The following UTY variants were observed in gnomAD, a reference collection of about 807,000 sequenced individuals.
The protein encoded by UTY is histone demethylase UTY.
In UTY, 12 loss-of-function variants were observed where a neutral mutation model predicts 32.5. The ratio of observed to expected loss-of-function variants is 0.37; its 90% CI spans 0.24 to 0.60. UTY has a LOEUF of 0.60. UTY is among the 20% of genes least tolerant of loss of function. The pLI is 0.69. For synonymous variants in UTY, 131 were observed against 103.4 expected, an observed-to-expected ratio of 1.27 and a Z score of -1.62; for missense variants, 303 against 299.2, an observed-to-expected ratio of 1.01 and a Z score of -0.09.
intron 17 of UTY, among the ~76,000 whole-genome samples, chrY:13,350,852 CCT>C (rs771483403): frequency 1.8e-4 from 6 of 33,112 alleles, no homozygotes; most frequent in South Asian, 6.8e-4. Flanking sequence ...CATACAGCCC[CCT>C]GTCATGTACC....
chrY:13,392,423 C>T (rs2067671487), intron 8 of UTY, among the ~76,000 whole-genome samples: 1 of 33,212 alleles, frequency 3.0e-5, no homozygotes, highest in East Asian at 7.9e-4. Flanking sequence ...CAAGGTACGA[C>T]TGCAAAAATT....
chrY:13,264,021 G>A (rs2055531709), intron 27 of UTY, among the ~76,000 whole-genome samples: 2 of 33,987 alleles, frequency 5.9e-5, no homozygotes. Context: ...GTGAGAACAC[G>A]CAGTGTTTGG....
chrY:13,386,290 C>T, intron 8 of UTY, among the ~76,000 whole-genome samples: 1 of 26,084 alleles, frequency 3.8e-5, no homozygotes, highest in Admixed American at 3.5e-4. Context: ...TTAGTAGAGA[C>T]GGGGTTTCAC....
intron 6 of UTY, among the ~76,000 whole-genome samples, chrY:13,398,245 C>T (rs2068487964): frequency 3.0e-5 from 1 of 33,315 alleles, no homozygotes; most frequent in African/African-American, 1.2e-4. Context: ...CATGATACTA[C>T]AATCAAAGAA....
At position 13,379,771 on chromosome Y, in the gene UTY, G is replaced by C. The variant is rs555107132; in HGVS notation, c.646-10422C>G. Among the ~76,000 whole-genome samples, 158 of 28,021 alleles carry C rather than the reference G, an allele frequency of 5.6e-3. No homozygotes were observed. The South Asian group carries it at 0.12, about 22-fold the overall frequency. 75.2% of individuals were successfully genotyped at this position (28,021 alleles called of 37,273 possible). A position where few individuals can be genotyped will look rare whatever the true frequency, so the allele number is the denominator to read the frequency against. On this transcript the variant is annotated intron_variant, in intron 8 of 29. Coordinates refer to ENST00000545955, the MANE Select transcript of UTY (RefSeq NM_001258249.2). ...GCTATCCTGTCCTGTATCAACACGG[G>C]GAAAAAAATCTGAGAAGCACTATGA...
chrY:13,329,487 C>T (rs2060525186), intron 18 of UTY, among the ~76,000 whole-genome samples: 1 of 33,410 alleles, frequency 3.0e-5, no homozygotes, highest in Non-Finnish European at 7.4e-5. Context: ...CTATACAGAA[C>T]ATTTATAAGA....
At chrY:13,358,200 T>C in intron 14 of UTY, 2 of 116,032 alleles carry the variant, frequency 1.7e-5, no homozygotes, top group African/African-American at 2.0e-4. Flanking sequence ...GGTCTACTAC[T>C]ATTCAACATT....
chrY:13,304,386 A>G, intron 24 of UTY, among the ~76,000 whole-genome samples: 3 of 33,433 alleles, frequency 9.0e-5, no homozygotes, highest in Admixed American at 5.5e-4. Flanking sequence ...AATCTCAACA[A>G]AAGTGCAGGA....
At chrY:13,332,526 G>A (rs745473632) in intron 18 of UTY, among the ~76,000 whole-genome samples, 8 of 33,534 alleles carry the variant, frequency 2.4e-4, no homozygotes, top group Admixed American at 1.6e-3. Flanking sequence ...ATGCAAAAAA[G>A]GCTTTAATAA....
chrY:13,282,992 A>G (rs1603300167), intron 27 of UTY, among the ~76,000 whole-genome samples: 1 of 34,971 alleles, frequency 2.9e-5, no homozygotes, highest in South Asian at 6.1e-4. Flanking sequence ...GCTGAACACC[A>G]GGAAGGAACT....
At chrY:13,436,842 C>T (rs905496796) in intron 4 of UTY, among the ~76,000 whole-genome samples, 2 of 32,168 alleles carry the variant, frequency 6.2e-5, no homozygotes. Flanking sequence ...TCCAAAATTG[C>T]CCTAAATGGC....
chrY:13,276,614 C>A, intron 27 of UTY, among the ~76,000 whole-genome samples: 1 of 32,119 alleles, frequency 3.1e-5, no homozygotes, highest in Non-Finnish European at 7.6e-5. Flanking sequence ...CTACTCTACT[C>A]GGGAGGCTGA....
intron 21 of UTY, among the ~76,000 whole-genome samples, chrY:13,318,646 A>T: frequency 6.0e-5 from 2 of 33,352 alleles, no homozygotes; most frequent in African/African-American, 1.2e-4. Flanking sequence ...TTAATAAATT[A>T]TAAGAGATTT....
chrY:13,288,287 CA>C (rs1256691912), intron 27 of UTY, among the ~76,000 whole-genome samples: 30 of 19,248 alleles, frequency 1.6e-3, no homozygotes, highest in African/African-American at 4.8e-3. Context: ...AATAGTACCG[CA>C]AAAAAAAAAA....
chrY:13,386,752 C>CGGAT (rs2066820595), intron 8 of UTY, among the ~76,000 whole-genome samples: 1 of 32,372 alleles, frequency 3.1e-5, no homozygotes, highest in Non-Finnish European at 7.6e-5. Flanking sequence ...GGTGGGCGGG[C>CGGAT]GGATCTATTT....
intron 3 of UTY, among the ~76,000 whole-genome samples, chrY:13,460,692 C>T (rs2077268841): frequency 3.1e-5 from 1 of 32,260 alleles, no homozygotes; most frequent in Non-Finnish European, 7.5e-5. Context: ...CAGAGCCAAA[C>T]CTTGTCTCAA....
At chrY:13,425,761 C>T (rs767909939) in intron 4 of UTY, among the ~76,000 whole-genome samples, 34 of 33,917 alleles carry the variant, frequency 1.0e-3, no homozygotes, top group Non-Finnish European at 2.4e-3. Context: ...GAACCACCTA[C>T]CTACAGGGCA....
chrY:13,317,070 C>G, intron 21 of UTY, among the ~76,000 whole-genome samples: 1 of 33,192 alleles, frequency 3.0e-5, no homozygotes, highest in East Asian at 7.8e-4. Context: ...GTGGCACAGT[C>G]TCGGCTCACT....
chrY:13,393,635 AC>A, intron 8 of UTY: 1 of 73,402 alleles, frequency 1.4e-5, no homozygotes, highest in South Asian at 2.8e-4. Flanking sequence ...TATATTAAGT[AC>A]AAATCTCAAA....
Sources: gnomAD v4.1 joint callset for allele counts (sites outside exome capture counted in the v4.1 genomes callset) on GRCh38, gnomAD v4.1.1 for gene constraint, MANE v1.5 for transcripts, NCBI Gene and HGNC (gene_info 2026-07-23, HGNC 2026-07-21) for gene names.